SPINK4: variants seen among roughly 807,000 people sequenced by gnomAD.
SPINK4 encodes the protein serine protease inhibitor Kazal-type 4.
A neutral mutation model predicts 12.3 loss-of-function variants in SPINK4; 10 were observed. The ratio of observed to expected loss-of-function variants is 0.81; its 90% CI spans 0.50 to 1.37. The LOEUF (loss-of-function observed/expected upper bound fraction) is 1.37, where lower values mean the gene tolerates loss of function less well. SPINK4 is among the 40% of genes most tolerant of loss of function. The pLI is 0.00. For missense variants in SPINK4, 91 were observed against 109.0 expected (o/e 0.84, Z 0.73); for synonymous variants, 37 against 40.2 (o/e 0.92, Z 0.30).
At chr9:33,247,115 T>C (rs1820294561) in intron 3 of SPINK4, among the ~76,000 whole-genome samples, 2 of 151,492 alleles carry the variant, frequency 1.3e-5, no homozygotes, top group South Asian at 4.2e-4. Flanking sequence ...ATACAATTGG[T>C]GTAAGGGGGA....
At chr9:33,242,897 A>G (rs1820251411) in intron 1 of SPINK4, among the ~76,000 whole-genome samples, 1 of 145,804 alleles carries the variant, frequency 6.9e-6, no homozygotes, top group Non-Finnish European at 1.5e-5. Flanking sequence ...TTTTTAAGAG[A>G]CAAAGTCTCA....
At chr9:33,247,178 T>TG (rs1554694010) in intron 3 of SPINK4, among the ~76,000 whole-genome samples, 4 of 151,012 alleles carry the variant, frequency 2.6e-5, no homozygotes, top group Non-Finnish European at 5.9e-5. Flanking sequence ...TTTTTTTTTT[T>TG]GAGACAGACT....
At chr9:33,243,566 T>C (rs968406279) in intron 1 of SPINK4, among the ~76,000 whole-genome samples, 5 of 152,360 alleles carry the variant, frequency 3.3e-5, no homozygotes, top group African/African-American at 4.8e-5. Flanking sequence ...TGGTTTCTTA[T>C]GCTCAGCAAA....
At chr9:33,243,399 G>T (rs1388126553) in intron 1 of SPINK4, among the ~76,000 whole-genome samples, 1 of 151,892 alleles carries the variant, frequency 6.6e-6, no homozygotes, top group African/African-American at 2.4e-5. Context: ...TTGTAGAGAT[G>T]AGGTCTTGCT....
At chr9:33,242,834 C>G (rs897635226) in intron 1 of SPINK4, among the ~76,000 whole-genome samples, 3 of 151,152 alleles carry the variant, frequency 2.0e-5, no homozygotes, top group African/African-American at 7.3e-5. Flanking sequence ...CAGAAATTCC[C>G]CTATGTCAGT....
chr9:33,241,552 GA>G (rs1326500724), intron 1 of SPINK4, among the ~76,000 whole-genome samples: 3 of 152,192 alleles, frequency 2.0e-5, no homozygotes, highest in Non-Finnish European at 4.4e-5. Flanking sequence ...GGCACAGGGG[GA>G]AAGGGAAACG....
chr9:33,248,494 A>G lies in SPINK4; in HGVS notation c.*23A>G. On this transcript the variant is annotated 3_prime_UTR_variant, in exon 4 of 4. Transcript: ENST00000379721. ...TGATCCCACAGGAGCACCTCAAGCC[A>G]TGAAGTGTCAGCTGGAGAACAGTGG... 6.2e-7 allele frequency: 1 copy of G among 1,613,774 alleles called. No individual in the cohort carries two copies. Among genetic ancestry groups the G allele is most frequent in the Non-Finnish European group, 8.5e-7 (1 of 1,179,934 alleles).
At chr9:33,247,786 T>C (rs1820301296) in intron 3 of SPINK4, 1 of 152,652 alleles carries the variant, frequency 6.6e-6, no homozygotes, top group Non-Finnish European at 1.5e-5. Flanking sequence ...AATGAGACCA[T>C]GGAAGTGAAG....
At position 33,247,282 on chromosome 9, in the gene SPINK4, C is replaced by T. The variant is rs112072851; in HGVS notation, c.215+554C>T. Among the ~76,000 whole-genome samples, 775 of 151,588 alleles carry T rather than the reference C, an allele frequency of 5.1e-3. 9 individuals are homozygous for T. Among genetic ancestry groups the T allele is most frequent in the African/African-American group, 0.018 (742 of 41,298 alleles). ...CAAGTATTCTCCTGCCTCAGCCTCC[C>T]GAATAGCTGGGATTACAGGCGCCCA... On this transcript the variant is annotated intron_variant, in intron 3 of 3. Coordinates refer to ENST00000379721, the MANE Select transcript of SPINK4 (RefSeq NM_014471.3).
At chr9:33,242,589 G>T (rs1820248253) in intron 1 of SPINK4, among the ~76,000 whole-genome samples, 1 of 152,130 alleles carries the variant, frequency 6.6e-6, no homozygotes, top group Non-Finnish European at 1.5e-5. Flanking sequence ...AGACTAAGCA[G>T]CTCAGGTCCA....
At chr9:33,247,160 ATTT>A (rs34574251) in intron 3 of SPINK4, among the ~76,000 whole-genome samples, 1 of 135,964 alleles carries the variant, frequency 7.4e-6, no homozygotes, top group Non-Finnish European at 1.6e-5. Context: ...GCAGCACAGA[ATTT>A]TTTTTTTTTT....
Position 33,240,169 on chromosome 9 carries a change from A to T in SPINK4, c.-40A>T. 1.9e-6 allele frequency: 3 copies of T among 1,557,334 alleles called. No individual in the cohort carries two copies. Among genetic ancestry groups the T allele is most frequent in the Non-Finnish European group, 2.6e-6 (3 of 1,152,802 alleles). Reference sequence around the variant, plus strand: ...TAGGCCCCCATCCTTCCTCAGGCGCAGGCCCCAGCCAGCTCAGGCTACACT... The same window carrying T: ...TAGGCCCCCATCCTTCCTCAGGCGCTGGCCCCAGCCAGCTCAGGCTACACT... On this transcript the variant is annotated 5_prime_UTR_variant, in exon 1 of 4. Coordinates refer to ENST00000379721, the MANE Select transcript of SPINK4 (RefSeq NM_014471.3).
chr9:33,241,768 C>A (rs1369314724), intron 1 of SPINK4, among the ~76,000 whole-genome samples: 1 of 152,154 alleles, frequency 6.6e-6, no homozygotes, highest in East Asian at 1.9e-4. Flanking sequence ...AGGTCAAGGG[C>A]AGCCTGGGGG....
chr9:33,245,268 A>C (rs1820274315), intron 2 of SPINK4, 116 bp downstream of exon 2: 8 of 1,012,788 alleles, frequency 7.9e-6, no homozygotes, highest in Non-Finnish European at 1.1e-5. Context: ...CAATGGCTCC[A>C]AGGTGGCCAA....
chr9:33,248,287 C>T (rs1257593434), intron 3 of SPINK4, 139 bp from the exon 4 acceptor site: 9 of 774,246 alleles, frequency 1.2e-5, no homozygotes, highest in African/African-American at 3.5e-5. Context: ...CCCATGGACC[C>T]TTGGGATCTG....
intron 3 of SPINK4, among the ~76,000 whole-genome samples, chr9:33,247,145 C>A (rs912351850): frequency 6.7e-5 from 10 of 148,410 alleles, no homozygotes; most frequent in African/African-American, 2.5e-4. Context: ...GATAGTCAGC[C>A]AATTGCAGCA....
At chr9:33,246,465 G>A in intron 2 of SPINK4, 151 bp from the exon 3 acceptor site, 2 of 648,642 alleles carry the variant, frequency 3.1e-6, no homozygotes, top group Non-Finnish European at 5.6e-6. Flanking sequence ...AAGGGGCTCT[G>A]AGTGGTTGGT....
At chr9:33,245,950 G>A (rs1285740064) in intron 2 of SPINK4, among the ~76,000 whole-genome samples, 1 of 152,244 alleles carries the variant, frequency 6.6e-6, no homozygotes, top group South Asian at 2.1e-4. Flanking sequence ...TCTAGGGTTC[G>A]GGCCTTCACG....
chr9:33,248,121 C>A, intron 3 of SPINK4: 1 of 374,572 alleles, frequency 2.7e-6, no homozygotes, highest in Admixed American at 4.1e-5. Context: ...TAGGACATCC[C>A]ACTGGATATG....
Sources: gnomAD v4.1 joint callset for allele counts (sites outside exome capture counted in the v4.1 genomes callset) on GRCh38, gnomAD v4.1.1 for gene constraint, MANE v1.5 for transcripts, NCBI Gene and HGNC (gene_info 2026-07-23, HGNC 2026-07-21) for gene names.